The following AFAP1L2 variants were observed in gnomAD, a reference collection of about 807,000 sequenced individuals.
The protein encoded by AFAP1L2 is actin filament-associated protein 1-like 2.
AFAP1L2 carries 46 observed loss-of-function variants against 99.3 expected under a neutral mutation model. The observed-to-expected ratio is 0.46, with a 90% CI of 0.37 to 0.59. The LOEUF (loss-of-function observed/expected upper bound fraction) is 0.59. Among genes scored for constraint, AFAP1L2 ranks in the 20% least tolerant of loss-of-function variants. AFAP1L2 has a pLI of 0.00. For synonymous variants in AFAP1L2, 397 were observed against 419.1 expected (o/e 0.95, Z 0.64); for missense variants, 959 against 1,034.9 (o/e 0.93, Z 1.01).
intron 1 of AFAP1L2, among the ~76,000 whole-genome samples, chr10:114,394,706 C>A (rs2057507296): frequency 6.6e-6 from 1 of 152,154 alleles, no homozygotes; most frequent in Non-Finnish European, 1.5e-5. Flanking sequence ...CAAGAGGCGT[C>A]CTGAAGCACC....
At chr10:114,292,317 G>A (rs766498350), downstream of AFAP1L2, among the ~76,000 whole-genome samples, 6 of 151,852 alleles carry the variant, frequency 4.0e-5, no homozygotes, top group African/African-American at 9.7e-5. Context: ...TAATTGTGGC[G>A]TGTTTATGGA....
At chr10:114,284,828 C>A in the AFAP1L2 span, 1 of 1,566,268 alleles carries the variant, frequency 6.4e-7, no homozygotes. Flanking sequence ...CTCTGTGCTG[C>A]GGTGCTTAGC....
rs192563982 is a variant in AFAP1L2, at chr10:114,362,159, T to C, written c.17-21428A>G. On this transcript the variant is annotated intron_variant, in intron 1 of 18. Transcript: ENST00000304129. Reference sequence around the variant, plus strand: ...AGAAATCAGATCTATGTCTCAAGGTTGGTATGGGAATTAAATGCAATGACA... The same window carrying C: ...AGAAATCAGATCTATGTCTCAAGGTCGGTATGGGAATTAAATGCAATGACA... Among the ~76,000 whole-genome samples, 218 of 152,242 alleles carry C rather than the reference T, an allele frequency of 1.4e-3. 3 individuals carry two copies. The East Asian group carries it at 0.034, about 23-fold the overall frequency.
At chr10:114,379,623 A>G (rs2055328473) in intron 1 of AFAP1L2, among the ~76,000 whole-genome samples, 1 of 152,226 alleles carries the variant, frequency 6.6e-6, no homozygotes. Flanking sequence ...TTGAAATATT[A>G]AGACAACTTG....
chr10:114,327,041 T>G (rs2046385920), intron 4 of AFAP1L2, among the ~76,000 whole-genome samples: 1 of 149,248 alleles, frequency 6.7e-6, no homozygotes, highest in South Asian at 2.2e-4. Context: ...TGACCTATTA[T>G]CAGAGCTTCA....
chr10:114,332,007 G>A, intron 3 of AFAP1L2, 110 bp from the exon 4 acceptor site: 2 of 676,184 alleles, frequency 3.0e-6, no homozygotes, highest in Non-Finnish European at 4.2e-6. Flanking sequence ...TTTTTGAGCA[G>A]GTGTTAATTA....
rs189514573 is a variant in AFAP1L2, at chr10:114,387,412, C to T, written c.16+17028G>A. Reference sequence around the variant, plus strand: ...CTCCTTCATGATTCAGCTTCCCCTGCCCCACATAGAACCTAATGGCAGCAT... The same window carrying T: ...CTCCTTCATGATTCAGCTTCCCCTGTCCCACATAGAACCTAATGGCAGCAT... On this transcript the variant is annotated intron_variant, in intron 1 of 18. Transcript: ENST00000304129. Among the ~76,000 whole-genome samples, 22 of 152,280 alleles carry T rather than the reference C, an allele frequency of 1.4e-4. No individual in the cohort carries two copies. In the East Asian group the frequency reaches 3.5e-3, roughly 24 times the overall value.
At chr10:114,355,256 C>T (rs868494987) in intron 1 of AFAP1L2, among the ~76,000 whole-genome samples, 2 of 133,116 alleles carry the variant, frequency 1.5e-5, no homozygotes, top group African/African-American at 2.8e-5. Flanking sequence ...CTCGCTCTCT[C>T]TTTTTTTTTT....
At chr10:114,360,525 A>ATAGATAGT (rs1564978855) in intron 1 of AFAP1L2, among the ~76,000 whole-genome samples, 7 of 148,112 alleles carry the variant, frequency 4.7e-5, no homozygotes, top group South Asian at 4.3e-4. Flanking sequence ...AGATAGATAG[A>ATAGATAGT]TAGATAGATA....
intron 1 of AFAP1L2, among the ~76,000 whole-genome samples, chr10:114,387,820 A>C (rs894589055): frequency 9.2e-5 from 14 of 152,192 alleles, no homozygotes; most frequent in Admixed American, 5.9e-4. Context: ...GCCTCATGGA[A>C]GGAAGCACTT....
intron 1 of AFAP1L2, chr10:114,399,045 A>T: frequency 3.4e-6 from 2 of 584,930 alleles, no homozygotes; most frequent in Non-Finnish European, 5.6e-6. Context: ...GAGCTAGAGC[A>T]CGGGAGAATA....
At chr10:114,305,058 T>TGCG in intron 10 of AFAP1L2, 128 bp from the exon 11 acceptor site, 2 of 620,286 alleles carry the variant, frequency 3.2e-6, no homozygotes, top group South Asian at 4.0e-5. Context: ...GGGAAGCGGA[T>TGCG]GCGGATGCAA....
chr10:114,328,372 G>C (rs1418688594), intron 4 of AFAP1L2, among the ~76,000 whole-genome samples: 1 of 152,244 alleles, frequency 6.6e-6, no homozygotes, highest in Non-Finnish European at 1.5e-5. Flanking sequence ...TGCTGCTGCA[G>C]GTGCCGGTGA....
At chr10:114,371,245 C>T (rs1027438168) in intron 1 of AFAP1L2, among the ~76,000 whole-genome samples, 2 of 152,160 alleles carry the variant, frequency 1.3e-5, no homozygotes, top group Non-Finnish European at 2.9e-5. Context: ...GTTGTTGATA[C>T]TCAGTTCTCA....
intron 1 of AFAP1L2, 41 bp from the exon 2 acceptor site, chr10:114,340,772 C>T: frequency 6.2e-7 from 1 of 1,613,750 alleles, no homozygotes; most frequent in Non-Finnish European, 8.5e-7. Context: ...TGGCTGCCCG[C>T]TCTCCAAAGC....
chr10:114,326,136 T>C (rs2046255891), intron 4 of AFAP1L2: 10 of 1,004,354 alleles, frequency 1.0e-5, no homozygotes, highest in Non-Finnish European at 1.3e-5. Context: ...GGGCCTCCTG[T>C]CCTGTCTAGG....
At chr10:114,314,172 C>T (rs2043744055) in intron 6 of AFAP1L2, 122 bp from the exon 7 acceptor site, 1 of 966,186 alleles carries the variant, frequency 1.0e-6, no homozygotes, top group South Asian at 1.8e-5. Flanking sequence ...CCCAGCAAGA[C>T]TAAGAGGCTG....
intron 2 of AFAP1L2, among the ~76,000 whole-genome samples, chr10:114,336,832 A>G (rs1000047495): frequency 5.9e-5 from 9 of 152,204 alleles, no homozygotes; most frequent in Non-Finnish European, 7.3e-5. Flanking sequence ...CTCTCCATCC[A>G]GACAAAAAGC....
the AFAP1L2 span, chr10:114,282,402 C>G: frequency 1.2e-6 from 1 of 832,192 alleles, no homozygotes; most frequent in East Asian, 2.5e-5. Context: ...GGAAGTCTTT[C>G]TTACTTCTGC....
Sources: allele counts gnomAD v4.1 joint callset (sites outside exome capture counted in the v4.1 genomes callset), GRCh38; gene constraint gnomAD v4.1.1; transcripts MANE v1.5; gene names NCBI Gene and HGNC (gene_info 2026-07-23, HGNC 2026-07-21).